CLSTN2: variants seen among roughly 807,000 people sequenced by gnomAD.
CLSTN2 encodes the protein calsyntenin-2.
In CLSTN2, 48 loss-of-function variants were observed where a neutral mutation model predicts 101.2. The observed-to-expected ratio is 0.47, with a 90% CI of 0.38 to 0.60. The LOEUF is 0.60. CLSTN2 is among the 20% of genes least tolerant of loss of function. The probability of loss-of-function intolerance (pLI) is 0.00; values close to 1 mark genes in which losing one functional copy is unlikely to be tolerated. For synonymous variants in CLSTN2, 481 were observed against 463.6 expected (o/e 1.04, Z -0.48); for missense variants, 1,160 against 1,238.2 (o/e 0.94, Z 0.95).
chr3:140,061,371 C>T (rs2008201266), intron 1 of CLSTN2, among the ~76,000 whole-genome samples: 1 of 152,166 alleles, frequency 6.6e-6, no homozygotes, highest in Non-Finnish European at 1.5e-5. Context: ...ATCAAACAGC[C>T]CAGTACTGCA....
At chr3:140,402,265 C>T (rs1425934417) in intron 2 of CLSTN2, among the ~76,000 whole-genome samples, 1 of 152,006 alleles carries the variant, frequency 6.6e-6, no homozygotes, top group Non-Finnish European at 1.5e-5. Context: ...TGGAGTGGTT[C>T]CTTAGAAGTT....
chr3:139,976,724 C>T (rs1320452402), intron 1 of CLSTN2, among the ~76,000 whole-genome samples: 1 of 152,168 alleles, frequency 6.6e-6, no homozygotes, highest in Non-Finnish European at 1.5e-5. Flanking sequence ...CTGGTCATCT[C>T]ACCTCTCCAA....
At chr3:140,065,450 G>C (rs945205042) in intron 1 of CLSTN2, among the ~76,000 whole-genome samples, 5 of 152,210 alleles carry the variant, frequency 3.3e-5, no homozygotes, top group African/African-American at 4.8e-5. Flanking sequence ...ACAGTAACTT[G>C]AGGAGAAGAA....
intron 1 of CLSTN2, among the ~76,000 whole-genome samples, chr3:140,106,120 G>T (rs1166246769): frequency 1.3e-5 from 2 of 152,070 alleles, no homozygotes; most frequent in African/African-American, 4.8e-5. Flanking sequence ...ACTGGTCTTT[G>T]TTCTTCTCCT....
At chr3:140,501,424 C>T (rs952790402) in intron 8 of CLSTN2, among the ~76,000 whole-genome samples, 2 of 152,194 alleles carry the variant, frequency 1.3e-5, no homozygotes, top group African/African-American at 4.8e-5. Flanking sequence ...GAGGGGCACC[C>T]TTGCGTCCTT....
chr3:140,072,269 A>G (rs1186969277), intron 1 of CLSTN2, among the ~76,000 whole-genome samples: 1 of 152,194 alleles, frequency 6.6e-6, no homozygotes. Flanking sequence ...AAACCTGAGT[A>G]ATGAATCAAT....
At chr3:140,092,873 G>A (rs2008804276) in intron 1 of CLSTN2, among the ~76,000 whole-genome samples, 1 of 152,166 alleles carries the variant, frequency 6.6e-6, no homozygotes, top group South Asian at 2.1e-4. Flanking sequence ...CGTGCTGCCT[G>A]GCTCCTCCTA....
intron 2 of CLSTN2, among the ~76,000 whole-genome samples, chr3:140,353,417 A>T (rs2087633374): frequency 6.6e-6 from 1 of 152,140 alleles, no homozygotes; most frequent in Non-Finnish European, 1.5e-5. Flanking sequence ...AGAAAGACGT[A>T]TACTGGGAGT....
intron 1 of CLSTN2, among the ~76,000 whole-genome samples, chr3:140,061,667 C>A (rs1206708426): frequency 6.6e-6 from 1 of 152,222 alleles, no homozygotes; most frequent in Admixed American, 6.5e-5. Context: ...GATAACTTTG[C>A]CTCTCTGAGA....
Position 140,171,687 on chromosome 3 carries a change from T to TA in CLSTN2, c.110-4263dup, listed in dbSNP as rs1553718876. On this transcript the variant is annotated intron_variant, in intron 1 of 16. Transcript: ENST00000458420. Reference sequence around the variant, plus strand: ...TATATATAATATGTATTATATATAATATATATTAATATATAATATGTATTA... The same window carrying TA: ...TATATATAATATGTATTATATATAATAATATATTAATATATAATATGTATTA... 4.9e-4 allele frequency among the ~76,000 whole-genome samples: 56 copies of TA among 114,022 alleles called. 2 individuals are homozygous for TA. Among genetic ancestry groups the TA allele is most frequent in the South Asian group, 2.5e-3 (11 of 4,386 alleles). 74.8% of individuals were successfully genotyped at this position (114,022 alleles called of 152,430 possible). A position where few individuals can be genotyped will look rare whatever the true frequency, so the allele number is the denominator to read the frequency against.
chr3:139,974,780 T>C (rs901358823), intron 1 of CLSTN2, among the ~76,000 whole-genome samples: 3 of 152,216 alleles, frequency 2.0e-5, no homozygotes, highest in Non-Finnish European at 2.9e-5. Context: ...GGTTCCCTAC[T>C]AAAGAGCCTA....
intron 7 of CLSTN2, among the ~76,000 whole-genome samples, chr3:140,461,817 C>A (rs1933570373): frequency 6.6e-6 from 1 of 151,920 alleles, no homozygotes; most frequent in African/African-American, 2.4e-5. Context: ...CAAGCAGCAC[C>A]CAGTGTTCAG....
chr3:140,319,518 C>T (rs149705520), intron 2 of CLSTN2, among the ~76,000 whole-genome samples: 1,626 of 152,284 alleles, frequency 0.011, 38 homozygotes, highest in African/African-American at 0.038. Context: ...AAAAGAATGC[C>T]GTACACCAAT....
At chr3:140,095,548 G>A (rs2008855479) in intron 1 of CLSTN2, among the ~76,000 whole-genome samples, 1 of 152,210 alleles carries the variant, frequency 6.6e-6, no homozygotes, top group African/African-American at 2.4e-5. Flanking sequence ...CTCCACTTCT[G>A]ATCACGTCAT....
At chr3:140,025,812 G>C (rs1428201637) in intron 1 of CLSTN2, among the ~76,000 whole-genome samples, 1 of 152,206 alleles carries the variant, frequency 6.6e-6, no homozygotes, top group Non-Finnish European at 1.5e-5. Flanking sequence ...GGATAGACTT[G>C]AGTCCTGTTT....
chr3:139,954,005 C>G (rs1935344068), intron 1 of CLSTN2, among the ~76,000 whole-genome samples: 1 of 150,344 alleles, frequency 6.7e-6, no homozygotes, highest in South Asian at 2.1e-4. Flanking sequence ...TCAGGGGGAA[C>G]ATGTTGGGTT....
chr3:140,035,390 C>T (rs1410985493), intron 1 of CLSTN2, among the ~76,000 whole-genome samples: 2 of 152,218 alleles, frequency 1.3e-5, no homozygotes, highest in African/African-American at 4.8e-5. Flanking sequence ...ACTGCAGCAG[C>T]CTGCCTGTGC....
At position 140,031,852 on chromosome 3, in the gene CLSTN2, C is replaced by T. The variant is rs548998879; in HGVS notation, c.109+96369C>T. ...GAGGCAAAGCTGGATTCAAACCAGC[C>T]AGTCTGGCTCCAGTGTCCTTCAGCC... On this transcript the variant is annotated intron_variant, in intron 1 of 16. Coordinates refer to ENST00000458420, the MANE Select transcript of CLSTN2 (RefSeq NM_022131.3). 2.0e-5 allele frequency among the ~76,000 whole-genome samples: 3 copies of T among 152,300 alleles called. No individual in the cohort carries two copies. In the South Asian group the frequency reaches 6.2e-4, roughly 32 times the overall value.
chr3:140,234,316 G>C (rs1007256633), intron 2 of CLSTN2, among the ~76,000 whole-genome samples: 1 of 152,186 alleles, frequency 6.6e-6, no homozygotes, highest in Non-Finnish European at 1.5e-5. Context: ...CTGCTGTCTA[G>C]ACGACACTCT....
Sources: gnomAD v4.1 joint callset for allele counts (sites outside exome capture counted in the v4.1 genomes callset) on GRCh38, gnomAD v4.1.1 for gene constraint, MANE v1.5 for transcripts, NCBI Gene and HGNC (gene_info 2026-07-23, HGNC 2026-07-21) for gene names.